The following SORCS2 variants were observed in gnomAD, a reference collection of about 807,000 sequenced individuals.
SORCS2 encodes VPS10 domain-containing receptor SorCS2.
Under a neutral mutation model 141.6 loss-of-function variants are expected in SORCS2, and 100 were observed. The observed-to-expected ratio is 0.71, with a 90% CI of 0.60 to 0.83. SORCS2 has a LOEUF of 0.83. Among genes scored for constraint, SORCS2 ranks in the 40% least tolerant of loss-of-function variants. The pLI is 0.00. For synonymous variants in SORCS2, 789 were observed against 676.9 expected (o/e 1.17, Z -2.57); for missense variants, 1,646 against 1,560.2 (o/e 1.05, Z -0.93).
intron 3 of SORCS2, among the ~76,000 whole-genome samples, chr4:7,636,201 G>A (rs145120256): frequency 6.5e-4 from 98 of 151,872 alleles, no homozygotes; most frequent in Middle Eastern, 3.4e-3. Flanking sequence ...CAGGGCTCTG[G>A]AGTCAAATGC....
intron 2 of SORCS2, among the ~76,000 whole-genome samples, chr4:7,491,482 A>G (rs1222360577): frequency 6.6e-6 from 1 of 152,184 alleles, no homozygotes; most frequent in Non-Finnish European, 1.5e-5. Flanking sequence ...ATGCCCAGGC[A>G]CCAGCACGCG....
At chr4:7,391,308 A>T (rs1723845406) in intron 1 of SORCS2, among the ~76,000 whole-genome samples, 1 of 152,170 alleles carries the variant, frequency 6.6e-6, no homozygotes, top group Non-Finnish European at 1.5e-5. Context: ...CTTTCCCCAG[A>T]GCAGCAGAAA....
intron 1 of SORCS2, among the ~76,000 whole-genome samples, chr4:7,211,437 T>C (rs1431598985): frequency 6.6e-6 from 1 of 152,178 alleles, no homozygotes; most frequent in African/African-American, 2.4e-5. Flanking sequence ...TTGCCCAGGC[T>C]GGAGTGCAGT....
At chr4:7,210,795 G>C (rs1340044457) in intron 1 of SORCS2, among the ~76,000 whole-genome samples, 1 of 152,260 alleles carries the variant, frequency 6.6e-6, no homozygotes. Context: ...GCACCAAGCA[G>C]TGTCCACTTC....
At chr4:7,275,138 G>A (rs1208939236) in intron 1 of SORCS2, among the ~76,000 whole-genome samples, 1 of 152,192 alleles carries the variant, frequency 6.6e-6, no homozygotes, top group Non-Finnish European at 1.5e-5. Context: ...TGGTTGCCAA[G>A]CGTGTCCTAG....
intron 2 of SORCS2, among the ~76,000 whole-genome samples, chr4:7,402,945 A>T (rs1347557780): frequency 6.6e-6 from 1 of 151,850 alleles, no homozygotes. Context: ...CTCTACTCTA[A>T]AAAGCCCATG....
chr4:7,469,239 G>A (rs902107246), intron 2 of SORCS2, among the ~76,000 whole-genome samples: 2 of 150,360 alleles, frequency 1.3e-5, no homozygotes, highest in Non-Finnish European at 2.9e-5. Flanking sequence ...TGATAGTGAT[G>A]ATGGTGATGG....
intron 3 of SORCS2, among the ~76,000 whole-genome samples, chr4:7,563,478 C>T (rs1249884360): frequency 6.6e-6 from 1 of 152,094 alleles, no homozygotes. Context: ...GCAGGAGTTT[C>T]GTGGGGGCAT....
intron 3 of SORCS2, among the ~76,000 whole-genome samples, chr4:7,532,379 C>T (rs970261161): frequency 3.3e-5 from 5 of 152,216 alleles, no homozygotes; most frequent in African/African-American, 9.6e-5. Context: ...ACCCACACCT[C>T]GCACAGGGAA....
intron 1 of SORCS2, among the ~76,000 whole-genome samples, chr4:7,360,150 A>G (rs1488044762): frequency 6.6e-6 from 1 of 152,196 alleles, no homozygotes; most frequent in East Asian, 1.9e-4. Context: ...ATTAAGCATC[A>G]TTGATCCGCC....
At chr4:7,639,528 T>TGGG (rs71175419) in intron 4 of SORCS2, among the ~76,000 whole-genome samples, 2 of 136,756 alleles carry the variant, frequency 1.5e-5, no homozygotes, top group East Asian at 2.2e-4. Context: ...TTGTGGGATG[T>TGGG]GGGGGGGTGT....
At chr4:7,346,164 C>T (rs1720645297) in intron 1 of SORCS2, among the ~76,000 whole-genome samples, 1 of 152,016 alleles carries the variant, frequency 6.6e-6, no homozygotes, top group Non-Finnish European at 1.5e-5. Context: ...TTAGGGTTTT[C>T]TCCCTTTTTA....
Position 7,434,382 on chromosome 4 carries a change from C to T in SORCS2, c.548+38027C>T, listed in dbSNP as rs766850447. 3.1e-6 allele frequency: 5 copies of T among 1,607,400 alleles called. No individual in the cohort carries two copies. The Middle Eastern group carries it at 5.0e-4, about 159-fold the overall frequency. ...GGTGGAAGGTAAGGGGCCCATTGGC[C>T]ATGAACGGAGCCACAGCCTCAAAGG... On this transcript the variant is annotated intron_variant, in intron 2 of 26. Transcript: ENST00000507866.
intron 2 of SORCS2, among the ~76,000 whole-genome samples, chr4:7,486,412 C>G (rs13144220): frequency 0.33 from 40,818 of 121,982 alleles, 6,677 homozygotes; most frequent in Middle Eastern, 0.42. Context: ...GCGGCCTCCA[C>G]GACCCCCTGG....
chr4:7,702,530 G>C lies in SORCS2; in HGVS notation c.1669-750G>C, dbSNP rs547546558. ...CATCCTGGGGCTGTTTGCCAAGCGA[G>C]GCCACCCTCAGTGTCCCCTCCCGGG... On this transcript the variant is annotated intron_variant, in intron 12 of 26. Coordinates refer to ENST00000507866, the MANE Select transcript of SORCS2 (RefSeq NM_020777.3). 2.3e-3 allele frequency among the ~76,000 whole-genome samples: 347 copies of C among 152,364 alleles called. 1 individual carries two copies. Among genetic ancestry groups the C allele is most frequent in the African/African-American group, 7.8e-3 (325 of 41,594 alleles).
chr4:7,351,235 C>T (rs998133901), intron 1 of SORCS2, among the ~76,000 whole-genome samples: 2 of 152,214 alleles, frequency 1.3e-5, no homozygotes, highest in South Asian at 4.1e-4. Flanking sequence ...CTGCTGTTTA[C>T]TGGCACATAT....
chr4:7,581,681 G>A (rs949612456), intron 3 of SORCS2, among the ~76,000 whole-genome samples: 1 of 152,162 alleles, frequency 6.6e-6, no homozygotes, highest in East Asian at 1.9e-4. Context: ...TGTCCGTGGT[G>A]CTGACCTAGC....
At chr4:7,724,766 ATGATGG>A (rs1292051446) in intron 19 of SORCS2, among the ~76,000 whole-genome samples, 140 of 19,276 alleles carry the variant, frequency 7.3e-3, no homozygotes, top group Admixed American at 0.01. Context: ...GGTGTTGGTG[ATGATGG>A]TGGTGATGGT....
chr4:7,567,037 G>A (rs1018284796), intron 3 of SORCS2, among the ~76,000 whole-genome samples: 8 of 152,334 alleles, frequency 5.3e-5, no homozygotes, highest in Middle Eastern at 3.4e-3. Context: ...TTGGACATAG[G>A]TCTACTGACT....
Sources: allele counts gnomAD v4.1 joint callset (sites outside exome capture counted in the v4.1 genomes callset), GRCh38; gene constraint gnomAD v4.1.1; transcripts MANE v1.5; gene names NCBI Gene and HGNC (gene_info 2026-07-23, HGNC 2026-07-21).